Variants in TRIM14 observed in about 807,000 individuals in gnomAD.
The protein encoded by TRIM14 is tripartite motif-containing protein 14.
In TRIM14, 28 loss-of-function variants were observed where a neutral mutation model predicts 44.5. The ratio of observed to expected loss-of-function variants is 0.63; its 90% CI spans 0.47 to 0.86. TRIM14 has a LOEUF of 0.86. Ranked by LOEUF, TRIM14 falls within the 40% of genes least tolerant of loss-of-function variation. The pLI, the probability that TRIM14 is intolerant of heterozygous loss-of-function variation, is 0.00. For missense variants in TRIM14, 607 were observed against 611.1 expected (o/e 0.99, Z 0.07); for synonymous variants, 299 against 269.2 (o/e 1.11, Z -1.08).
chr9:98,079,411 G>A (rs114789113), downstream of TRIM14, among the ~76,000 whole-genome samples: 2,245 of 152,048 alleles, frequency 0.015, 55 homozygotes, highest in African/African-American at 0.051. Context: ...TTTCAGTATA[G>A]TATTTGACAT....
chr9:98,079,189 C>T (rs915155730), intron 6 of TRIM14, among the ~76,000 whole-genome samples: 1 of 152,200 alleles, frequency 6.6e-6, no homozygotes, highest in African/African-American at 2.4e-5. Flanking sequence ...AAAGCTGGAA[C>T]TAGAACCTGG....
chr9:98,119,142 A>C lies in TRIM14; in HGVS notation c.47T>G (p.Leu16Arg). 1 of 1,585,740 alleles carries C rather than the reference A, an allele frequency of 6.3e-7. No homozygotes were observed. The highest frequency in any genetic ancestry group is 8.5e-7 in the Non-Finnish European group (1 of 1,175,408). The change falls in exon 1 of 6, where the codon CTT (leucine) becomes CGT (arginine). Residue 16 changes from leucine (L) to arginine (R), a missense_variant. Leu to Arg is a moderately radical substitution (Grantham distance 102, BLOSUM62 -2). Coordinates refer to ENST00000341469, the MANE Select transcript of TRIM14 (RefSeq NM_014788.4). ...TGSRTPGRSE[L>R]VEGCGWRCPE... ...GCAGCGCCAGCCGCATCCCTCGACAAGCTCCGACCTCCCAGGGGTCCGGCT... is the reference window on the plus strand; with the variant it reads ...GCAGCGCCAGCCGCATCCCTCGACACGCTCCGACCTCCCAGGGGTCCGGCT...
chr9:98,068,641 C>T (rs1024359678), downstream of TRIM14, among the ~76,000 whole-genome samples: 5 of 149,004 alleles, frequency 3.4e-5, no homozygotes, highest in African/African-American at 1.2e-4. Flanking sequence ...ATAGCAAGAC[C>T]CCATCTATTA....
At chr9:98,094,809 C>G (rs750394745) in intron 4 of TRIM14, 58 bp downstream of exon 4, 1 of 1,568,846 alleles carries the variant, frequency 6.4e-7, no homozygotes, top group Non-Finnish European at 8.7e-7. Flanking sequence ...GCATTCGTCT[C>G]TGGGCTAAAG....
Position 98,103,145 on chromosome 9 carries a change from A to G in TRIM14, c.304-2981T>C, listed in dbSNP as rs369892392. Among the ~76,000 whole-genome samples, 26 of 152,218 alleles carry G rather than the reference A, an allele frequency of 1.7e-4. 1 individual carries two copies. The highest frequency in any genetic ancestry group is 8.3e-4 in the South Asian group (4 of 4,816). On this transcript the variant is annotated intron_variant, in intron 2 of 5. Transcript: ENST00000341469. ...GGTTGCAGTGAGCCGAGATCATGCC[A>G]CTGCACTCCAGCCTGGGCAACAGAA...
the TRIM14 span, among the ~76,000 whole-genome samples, chr9:98,036,112 G>A: frequency 6.6e-6 from 1 of 150,774 alleles, no homozygotes; most frequent in African/African-American, 2.4e-5. Flanking sequence ...CAGGAGAATC[G>A]CTTGGACCCA....
At chr9:98,097,847 G>A (rs545983531) in intron 3 of TRIM14, among the ~76,000 whole-genome samples, 4 of 152,246 alleles carry the variant, frequency 2.6e-5, no homozygotes, top group Admixed American at 6.5e-5. Context: ...CCTTAAAAAC[G>A]ACCATTATTT....
At chr9:98,069,062 T>C (rs1829234577), downstream of TRIM14, among the ~76,000 whole-genome samples, 1 of 152,296 alleles carries the variant, frequency 6.6e-6, no homozygotes, top group South Asian at 2.1e-4. Context: ...GTGTTTATCA[T>C]ATGACCCACC....
downstream of TRIM14, among the ~76,000 whole-genome samples, chr9:98,066,416 G>A (rs968429629): frequency 3.3e-5 from 5 of 152,104 alleles, no homozygotes; most frequent in African/African-American, 7.2e-5. Flanking sequence ...CTCTGGCAGC[G>A]GCTCACCTAA....
intron 1 of TRIM14, among the ~76,000 whole-genome samples, chr9:98,114,795 T>G (rs1156895791): frequency 2.0e-5 from 3 of 152,180 alleles, no homozygotes; most frequent in Non-Finnish European, 2.9e-5. Context: ...CTTCCAGAAC[T>G]CTAATAAAAA....
At chr9:98,061,425 C>G in the TRIM14 span, among the ~76,000 whole-genome samples, 1 of 143,862 alleles carries the variant, frequency 7.0e-6, no homozygotes, top group Non-Finnish European at 1.5e-5. Context: ...TGCAGTGAGC[C>G]GAGATCACAC....
At chr9:98,036,727 C>T in the TRIM14 span, among the ~76,000 whole-genome samples, 1 of 151,734 alleles carries the variant, frequency 6.6e-6, no homozygotes, top group South Asian at 2.1e-4. Flanking sequence ...TTGCTTGAAC[C>T]CGGGAGGCAG....
At chr9:98,115,427 TC>T (rs1477041499) in intron 1 of TRIM14, among the ~76,000 whole-genome samples, 1 of 152,208 alleles carries the variant, frequency 6.6e-6, no homozygotes, top group East Asian at 1.9e-4. Context: ...ATTTTTGCAT[TC>T]TTAGTAGAGA....
At chr9:98,104,194 C>T (rs1319287125) in intron 2 of TRIM14, among the ~76,000 whole-genome samples, 2 of 152,122 alleles carry the variant, frequency 1.3e-5, no homozygotes, top group African/African-American at 4.8e-5. Context: ...GTCAATGAGC[C>T]TGGACACAAA....
chr9:98,070,833 C>T (rs560805960), intron 6 of TRIM14, among the ~76,000 whole-genome samples: 1 of 147,296 alleles, frequency 6.8e-6, no homozygotes, highest in South Asian at 2.1e-4. Context: ...GAGACAGGGT[C>T]TCACTCTGTT....
chr9:98,099,228 G>A (rs776463416), intron 3 of TRIM14, among the ~76,000 whole-genome samples: 2 of 151,924 alleles, frequency 1.3e-5, no homozygotes, highest in Non-Finnish European at 2.9e-5. Context: ...TGAGGTGGGC[G>A]GATCACCTGA....
intron 2 of TRIM14, among the ~76,000 whole-genome samples, chr9:98,101,123 G>A (rs1024094879): frequency 5.9e-5 from 9 of 151,728 alleles, no homozygotes; most frequent in African/African-American, 1.7e-4. Flanking sequence ...TTACAAGCAC[G>A]CACCACCACA....
chr9:98,106,066 A>T (rs1193020175), intron 2 of TRIM14, among the ~76,000 whole-genome samples: 1 of 152,224 alleles, frequency 6.6e-6, no homozygotes, highest in Non-Finnish European at 1.5e-5. Flanking sequence ...TCTCCTGAAG[A>T]TGCTCATGTC....
At chr9:98,082,719 G>C, downstream of TRIM14, 1 of 758,440 alleles carries the variant, frequency 1.3e-6, no homozygotes, top group East Asian at 2.7e-5. Context: ...CAGTGTAGGG[G>C]GCAACAGAGT....
Sources: allele counts gnomAD v4.1 joint callset (sites outside exome capture counted in the v4.1 genomes callset), GRCh38; gene constraint gnomAD v4.1.1; transcripts MANE v1.5; gene names NCBI Gene and HGNC (gene_info 2026-07-23, HGNC 2026-07-21).